The following LIMS1 variants were observed in gnomAD, a reference collection of about 807,000 sequenced individuals.
The protein encoded by LIMS1 is LIM zinc finger domain containing 1.
LIMS1 carries 18 observed loss-of-function variants against 44.1 expected under a neutral mutation model. The observed-to-expected ratio is 0.41, with a 90% confidence interval of 0.28 to 0.61. LIMS1 has a LOEUF of 0.61. LIMS1 is among the 20% of genes least tolerant of loss of function. The probability of loss-of-function intolerance (pLI) is 0.32; values close to 1 mark genes in which losing one functional copy is unlikely to be tolerated. For synonymous variants in LIMS1, 93 were observed against 149.1 expected (o/e 0.62, Z 2.74); for missense variants, 201 against 422.0 (o/e 0.48, Z 4.59).
exon 10 of LIMS1, chr2:108,683,916 G>C: frequency 6.3e-7 from 1 of 1,598,820 alleles, no homozygotes; most frequent in Non-Finnish European, 8.5e-7. Flanking sequence ...CATGAAGCCA[G>C]TCTGTAAGAA....
At chr2:108,572,662 G>C (rs1685522429) in intron 1 of LIMS1, among the ~76,000 whole-genome samples, 1 of 152,084 alleles carries the variant, frequency 6.6e-6, no homozygotes, top group Non-Finnish European at 1.5e-5. Context: ...GGGATTACAT[G>C]CATGAGCCAC....
At chr2:108,683,207 T>C (rs536054924) in intron 9 of LIMS1, among the ~76,000 whole-genome samples, 3 of 152,322 alleles carry the variant, frequency 2.0e-5, no homozygotes, top group East Asian at 1.9e-4. Flanking sequence ...TTAAAATTAA[T>C]TAAACCTCAT....
chr2:108,601,049 T>A (rs1224038504), intron 1 of LIMS1, among the ~76,000 whole-genome samples: 1 of 152,042 alleles, frequency 6.6e-6, no homozygotes, highest in African/African-American at 2.4e-5. Context: ...TTCTCCTGCC[T>A]CAAGCCTCCT....
chr2:108,646,102 A>C (rs1467088593), intron 1 of LIMS1, among the ~76,000 whole-genome samples: 4 of 152,334 alleles, frequency 2.6e-5, no homozygotes, highest in African/African-American at 9.6e-5. Flanking sequence ...GAAAGTTAAC[A>C]AGGATATCCA....
chr2:108,628,743 G>A (rs1263321368), intron 1 of LIMS1, among the ~76,000 whole-genome samples: 1 of 152,194 alleles, frequency 6.6e-6, no homozygotes, highest in Non-Finnish European at 1.5e-5. Flanking sequence ...GGGATTACAG[G>A]CGTGAGCCAC....
chr2:108,600,928 C>T (rs1489851019), intron 1 of LIMS1, among the ~76,000 whole-genome samples: 1 of 127,310 alleles, frequency 7.9e-6, no homozygotes, highest in Non-Finnish European at 1.7e-5. Flanking sequence ...CTTCTCTTCT[C>T]TTCTCTTTTT....
intron 1 of LIMS1, among the ~76,000 whole-genome samples, chr2:108,546,484 T>C (rs1281262901): frequency 6.6e-6 from 1 of 152,008 alleles, no homozygotes; most frequent in African/African-American, 2.4e-5. Context: ...GCTCTTGTAC[T>C]ATGAGCCCCT....
chr2:108,601,851 A>G (rs1025355513), intron 1 of LIMS1, among the ~76,000 whole-genome samples: 4 of 152,190 alleles, frequency 2.6e-5, no homozygotes, highest in Admixed American at 6.5e-5. Context: ...GAAGAATGTC[A>G]TTGGTATTTT....
At chr2:108,672,165 CAAAAAAAAAAAA>C (rs559219796) in intron 3 of LIMS1, among the ~76,000 whole-genome samples, 148 bp from the exon 4 acceptor site, 1 of 56,830 alleles carries the variant, frequency 1.8e-5, no homozygotes, top group East Asian at 7.1e-4. Context: ...GAAACTGTCT[CAAAAAAAAAAAA>C]AAAAAAAAAA....
At chr2:108,550,359 C>CGCGGTGGCAGGTGCCTGTA in intron 1 of LIMS1, among the ~76,000 whole-genome samples, 1 of 150,060 alleles carries the variant, frequency 6.7e-6, no homozygotes, top group South Asian at 2.1e-4. Context: ...ATTAGCCGGG[C>CGCGGTGGCAGGTGCCTGTA]GCGGTGGCAG....
At chr2:108,667,427 T>TCC (rs1691836508) in intron 2 of LIMS1, among the ~76,000 whole-genome samples, 1 of 151,948 alleles carries the variant, frequency 6.6e-6, no homozygotes, top group Non-Finnish European at 1.5e-5. Context: ...GCAGTCTGGA[T>TCC]CCATGGTCAG....
intron 1 of LIMS1, among the ~76,000 whole-genome samples, chr2:108,565,003 A>G (rs1488073428): frequency 1.3e-5 from 2 of 148,150 alleles, no homozygotes; most frequent in African/African-American, 4.9e-5. Context: ...AGAAACCCAT[A>G]GTTCAGGAAG....
chr2:108,587,122 C>T (rs1474936941), intron 1 of LIMS1, among the ~76,000 whole-genome samples: 1 of 152,106 alleles, frequency 6.6e-6, no homozygotes, highest in African/African-American at 2.4e-5. Flanking sequence ...CTGCCTTTAG[C>T]TTGTCTTGGA....
At chr2:108,619,869 T>G (rs1033640353) in intron 1 of LIMS1, among the ~76,000 whole-genome samples, 8 of 152,198 alleles carry the variant, frequency 5.3e-5, no homozygotes, top group African/African-American at 1.9e-4. Flanking sequence ...TGCTTCCTTC[T>G]GCTTCTGTCT....
intron 1 of LIMS1, among the ~76,000 whole-genome samples, chr2:108,646,739 C>T (rs1015964011): frequency 2.6e-5 from 4 of 152,126 alleles, no homozygotes; most frequent in African/African-American, 9.7e-5. Context: ...CGGAGTCTGG[C>T]TCTGTCGCCA....
rs561141837 is a variant in LIMS1 at position 108,660,664 on chromosome 2, C to T, written c.192+900C>T. On this transcript the variant is annotated intron_variant, in intron 2 of 9. Coordinates refer to ENST00000544547, the Ensembl canonical transcript of LIMS1. ...CAGGCTGGTCTCAAACTCCTGGGCT[C>T]AGGTGATCCTCGGCCTCCCAAAGTG... 1,413 of 240,526 alleles carry T rather than the reference C, an allele frequency of 5.9e-3. 6 individuals are homozygous for T. Among genetic ancestry groups the T allele is most frequent in the Non-Finnish European group, 8.3e-3 (989 of 119,476 alleles). The allele number at this position is 240,526 out of a possible 1,614,324, so 14.9% of individuals were successfully genotyped here.
intron 2 of LIMS1, among the ~76,000 whole-genome samples, chr2:108,669,395 G>A (rs1292251870): frequency 6.6e-6 from 1 of 151,758 alleles, no homozygotes; most frequent in Non-Finnish European, 1.5e-5. Flanking sequence ...GCAACAGAGC[G>A]AGACTCTGGG....
At chr2:108,575,818 G>A (rs532075465) in intron 1 of LIMS1, among the ~76,000 whole-genome samples, 35 of 151,976 alleles carry the variant, frequency 2.3e-4, no homozygotes, top group African/African-American at 4.1e-4. Context: ...TGTGTGTGTG[G>A]TATTATTCAT....
At chr2:108,671,615 G>T (rs1421202023) in intron 3 of LIMS1, among the ~76,000 whole-genome samples, 1 of 152,154 alleles carries the variant, frequency 6.6e-6, no homozygotes, top group Admixed American at 6.5e-5. Context: ...AGAGATTGAA[G>T]AAACTGGGTA....
Sources: allele counts gnomAD v4.1 joint callset (sites outside exome capture counted in the v4.1 genomes callset), GRCh38; gene constraint gnomAD v4.1.1; transcripts MANE v1.5; gene names NCBI Gene and HGNC (gene_info 2026-07-23, HGNC 2026-07-21).